GPAM: variants seen among roughly 807,000 people sequenced by gnomAD.
GPAM encodes the protein glycerol-3-phosphate acyltransferase, mitochondrial.
GPAM carries 56 observed loss-of-function variants against 105.0 expected under a neutral mutation model. The observed-to-expected ratio is 0.53, with a 90% CI of 0.43 to 0.67. GPAM has a LOEUF of 0.67. GPAM is among the 30% of genes least tolerant of loss of function. The pLI, the probability that GPAM is intolerant of heterozygous loss-of-function variation, is 0.00. For synonymous variants in GPAM, 368 were observed against 354.4 expected, an observed-to-expected ratio of 1.04 and a Z score of -0.43; for missense variants, 855 against 989.8, an observed-to-expected ratio of 0.86 and a Z score of 1.83.
intron 8 of GPAM, among the ~76,000 whole-genome samples, chr10:112,172,685 A>C (rs912886953): frequency 2.0e-5 from 3 of 152,168 alleles, no homozygotes; most frequent in Non-Finnish European, 2.9e-5. Flanking sequence ...CTATTTATCT[A>C]TCTGTGTCTC....
chr10:112,159,154 T>TTAG (rs1164877798), intron 17 of GPAM, among the ~76,000 whole-genome samples: 13 of 152,058 alleles, frequency 8.5e-5, no homozygotes, highest in Admixed American at 8.5e-4. Flanking sequence ...TAAATGCTCA[T>TTAG]TAGTACTGCT....
chr10:112,184,030 C>T (rs1267817693), upstream of GPAM, among the ~76,000 whole-genome samples: 4 of 152,186 alleles, frequency 2.6e-5, no homozygotes, highest in Non-Finnish European at 5.9e-5. Context: ...GGGAGCTTGT[C>T]CCTCTTCCAG....
intron 1 of GPAM, among the ~76,000 whole-genome samples, chr10:112,203,865 C>T (rs940453975): frequency 1.3e-5 from 2 of 152,158 alleles, no homozygotes; most frequent in African/African-American, 2.4e-5. Context: ...GGATTTGAGG[C>T]AGAGTCTGTT....
chr10:112,217,983 A>G (rs79420891), upstream of GPAM, among the ~76,000 whole-genome samples: 1,805 of 152,370 alleles, frequency 0.012, 44 homozygotes, highest in African/African-American at 0.041. Context: ...GAGGTCAACA[A>G]ATAGCTGTTA....
rs112285181 is a variant in GPAM at position 112,198,925 on chromosome 10, GT to G, written n.211-16035del. On this transcript the variant is annotated intron_variant and non_coding_transcript_variant, in intron 1 of 3. Transcript: ENST00000480130. ...ATTTTTATTTTGTTGTTGTTGTTTT[GT>G]TTTTTTTTTTGTTTTGAGACGGAGT... 1.0e-3 allele frequency among the ~76,000 whole-genome samples: 151 copies of G among 146,342 alleles called. 2 individuals are homozygous for G. Among genetic ancestry groups the G allele is most frequent in the Middle Eastern group, 3.5e-3 (1 of 284 alleles).
intron 1 of GPAM, among the ~76,000 whole-genome samples, chr10:112,195,067 C>G (rs1387279763): frequency 2.0e-5 from 3 of 152,160 alleles, no homozygotes; most frequent in African/African-American, 7.2e-5. Flanking sequence ...TACTTCTGCA[C>G]TGGCTACCCA....
rs137959700 is a variant in GPAM at position 112,173,660 on chromosome 10, T to A, written c.560+39A>T. 28 of 1,598,438 alleles carry A rather than the reference T, an allele frequency of 1.8e-5. No homozygotes were observed. The East Asian group carries it at 6.0e-4, about 34-fold the overall frequency. ...TCAGTCTTATTTGCTCAAATCAGCA[T>A]GGCTGTGATTGAAAGCTTTCTGCCT... On this transcript the variant is annotated intron_variant, in intron 7 of 21. Coordinates refer to ENST00000348367, the MANE Select transcript of GPAM (RefSeq NM_001244949.2).
intron 12 of GPAM, among the ~76,000 whole-genome samples, chr10:112,164,994 A>G (rs1455311757): frequency 6.6e-6 from 1 of 152,224 alleles, no homozygotes; most frequent in Non-Finnish European, 1.5e-5. Context: ...TTTCAAAAGA[A>G]CCTCAATCTA....
At chr10:112,175,794 T>C in intron 5 of GPAM, 81 bp from the exon 6 acceptor site, 1 of 853,522 alleles carries the variant, frequency 1.2e-6, no homozygotes. Context: ...TTTCCGCCCA[T>C]AAAAACAAAG....
chr10:112,188,804 T>G (rs924601624), intron 1 of GPAM, among the ~76,000 whole-genome samples: 2 of 152,250 alleles, frequency 1.3e-5, no homozygotes, highest in African/African-American at 4.8e-5. Flanking sequence ...CAAGATATTA[T>G]GATCCTTAAT....
chr10:112,185,607 CACACACACAG>C (rs1343781150), upstream of GPAM, among the ~76,000 whole-genome samples: 49 of 77,478 alleles, frequency 6.3e-4, 2 homozygotes, highest in African/African-American at 2.2e-3. Flanking sequence ...CACACACACA[CACACACACAG>C]GATTAATAGG....
At chr10:112,219,932 G>A (rs1198679826), upstream of GPAM, among the ~76,000 whole-genome samples, 1 of 152,148 alleles carries the variant, frequency 6.6e-6, no homozygotes, top group Non-Finnish European at 1.5e-5. Context: ...CACCAGGTCA[G>A]GAGAATGAAA....
chr10:112,201,631 C>A (rs1037012564), intron 1 of GPAM, among the ~76,000 whole-genome samples: 21 of 152,154 alleles, frequency 1.4e-4, no homozygotes, highest in African/African-American at 5.1e-4. Flanking sequence ...TATTTTTAGA[C>A]CTTAACTTGG....
chr10:112,166,491 G>A lies in GPAM; in HGVS notation c.1132C>T (p.Leu378=). The change falls in exon 12 of 22, where the codon CTG becomes TTG. Residue 378 remains leucine, a synonymous_variant. Coordinates refer to ENST00000348367, the MANE Select transcript of GPAM (RefSeq NM_001244949.2). ...QLGKPKKNES[L]WSVARGVIRM... ...ATAACACCTCTTGCTACACTCCACA[G>A]GCTCTCATTCTTCTTAGGTTTGCCC... 2 of 1,608,650 alleles carry A rather than the reference G, an allele frequency of 1.2e-6. No individual in the cohort carries two copies. Among genetic ancestry groups the A allele is most frequent in the Non-Finnish European group, 1.7e-6 (2 of 1,175,100 alleles).
chr10:112,167,934 T>C (rs1847246804), intron 11 of GPAM, among the ~76,000 whole-genome samples: 1 of 152,198 alleles, frequency 6.6e-6, no homozygotes, highest in South Asian at 2.1e-4. Context: ...CCCCACAAGT[T>C]CTTCAAGCCC....
chr10:112,154,059 T>C (rs754820182), intron 21 of GPAM: 1 of 196,098 alleles, frequency 5.1e-6, no homozygotes. Flanking sequence ...AGGATACTTC[T>C]AGAAATTCTT....
At chr10:112,203,283 A>T (rs1372852779) in intron 1 of GPAM, among the ~76,000 whole-genome samples, 1 of 152,224 alleles carries the variant, frequency 6.6e-6, no homozygotes, top group Admixed American at 6.5e-5. Flanking sequence ...CCCTCTAAAA[A>T]CAAGCCTCCA....
chr10:112,195,052 A>C (rs1047689487), intron 1 of GPAM, among the ~76,000 whole-genome samples: 3 of 152,098 alleles, frequency 2.0e-5, no homozygotes, highest in Non-Finnish European at 4.4e-5. Flanking sequence ...TGGATGCCCC[A>C]CATCTACTTC....
At chr10:112,222,545 G>T in the GPAM span, among the ~76,000 whole-genome samples, 6 of 152,122 alleles carry the variant, frequency 3.9e-5, no homozygotes, top group African/African-American at 1.4e-4. Flanking sequence ...CCTGGGGAAG[G>T]CTGAAATGAC....
Sources: allele counts gnomAD v4.1 joint callset (sites outside exome capture counted in the v4.1 genomes callset), GRCh38; gene constraint gnomAD v4.1.1; transcripts MANE v1.5; gene names NCBI Gene and HGNC (gene_info 2026-07-23, HGNC 2026-07-21).